Variants in SLC12A6 observed in about 807,000 individuals in gnomAD.
SLC12A6 encodes the protein K-Cl cotransporter 3.
A neutral mutation model predicts 135.3 loss-of-function variants in SLC12A6; 66 were observed. The ratio of observed to expected loss-of-function variants is 0.49; its 90% CI spans 0.40 to 0.60. The LOEUF is 0.60. Among genes scored for constraint, SLC12A6 ranks in the 20% least tolerant of loss-of-function variants. The pLI is 0.00. For missense variants in SLC12A6, 1,058 were observed against 1,452.3 expected (o/e 0.73, Z 4.41); for synonymous variants, 513 against 508.8 (o/e 1.01, Z -0.11).
intron 2 of SLC12A6, among the ~76,000 whole-genome samples, chr15:34,286,908 A>C (rs61659679): frequency 6.6e-6 from 1 of 152,150 alleles, no homozygotes; most frequent in Non-Finnish European, 1.5e-5. Flanking sequence ...ATATGATGAC[A>C]CCTAGTGCAG....
intron 3 of SLC12A6, among the ~76,000 whole-genome samples, chr15:34,270,156 A>G (rs755931101): frequency 4.6e-5 from 7 of 151,822 alleles, no homozygotes; most frequent in Non-Finnish European, 1.0e-4. Context: ...TTTTAGAGAC[A>G]GGGTATCACT....
chr15:34,292,011 C>G (rs779589667), intron 2 of SLC12A6, among the ~76,000 whole-genome samples: 38 of 152,244 alleles, frequency 2.5e-4, no homozygotes, highest in Non-Finnish European at 4.9e-4. Flanking sequence ...ATTCTCCATC[C>G]AGTTTTGTTC....
intron 16 of SLC12A6, among the ~76,000 whole-genome samples, chr15:34,242,747 T>G (rs1891727355): frequency 1.3e-5 from 2 of 152,126 alleles, no homozygotes; most frequent in Non-Finnish European, 1.5e-5. Context: ...AAATTATTTT[T>G]GGGCCGGATG....
At position 34,230,324 on chromosome 15, in the gene SLC12A6, T is replaced by C. The variant is rs1264147004; in HGVS notation, c.*3557A>G. On this transcript the variant is annotated 3_prime_UTR_variant, in exon 26 of 26. Coordinates refer to ENST00000354181, the MANE Select transcript of SLC12A6 (RefSeq NM_001365088.1). ...GACAAAAGGAGCACATAAATATGCA[T>C]ACAGTGTAACTGTTATTATTTTAAT... 6.4e-6 allele frequency: 1 copy of C among 156,566 alleles called. No homozygotes were observed. Among genetic ancestry groups the C allele is most frequent in the African/African-American group, 2.4e-5 (1 of 41,480 alleles). The allele number at this position is 156,566 out of a possible 1,614,324, so 9.7% of individuals were successfully genotyped here.
At chr15:34,295,149 T>C (rs964159015) in intron 2 of SLC12A6, among the ~76,000 whole-genome samples, 2 of 152,224 alleles carry the variant, frequency 1.3e-5, no homozygotes, top group East Asian at 3.8e-4. Context: ...CTGTAAGTAC[T>C]ATCATGATTG....
At chr15:34,315,071 G>A (rs1888542160) in intron 2 of SLC12A6, among the ~76,000 whole-genome samples, 1 of 152,176 alleles carries the variant, frequency 6.6e-6, no homozygotes, top group South Asian at 2.1e-4. Flanking sequence ...TTCTTGACAT[G>A]AAATCTGCTG....
chr15:34,318,650 T>C, intron 2 of SLC12A6: 1 of 1,613,126 alleles, frequency 6.2e-7, no homozygotes, highest in South Asian at 1.1e-5. Flanking sequence ...CTCTGGGTCC[T>C]CTACCTTAGT....
chr15:34,250,970 T>C lies in SLC12A6; in HGVS notation c.1421A>G (p.His474Arg), dbSNP rs1182705802. 1.2e-6 allele frequency: 2 copies of C among 1,611,282 alleles called. No individual in the cohort carries two copies. The highest frequency in any genetic ancestry group is 1.7e-6 in the Non-Finnish European group (2 of 1,177,432). The change falls in exon 11 of 26, where the codon CAT becomes CGT. Residue 474 changes from histidine to arginine, a missense_variant. By Grantham distance (29) the His-to-Arg change is conservative. This residue lies in a region of SLC12A6 where 297 missense variants were observed against 318.5 expected (regional missense o/e 0.93). Transcript: ENST00000354181. Reference sequence around the variant, plus strand: ...GGTGATGTCAACAAGAACATATTCATGGTTTAAGCTGCCTAAGACATCAGA... The same window carrying C: ...GGTGATGTCAACAAGAACATATTCACGGTTTAAGCTGCCTAAGACATCAGA... ...KSSDVLGSLNHEYVLVDITTS... is the reference protein window; with the variant it reads ...KSSDVLGSLNREYVLVDITTS...
intron 2 of SLC12A6, among the ~76,000 whole-genome samples, chr15:34,334,077 A>C (rs951021164): frequency 2.6e-5 from 4 of 151,896 alleles, no homozygotes; most frequent in Non-Finnish European, 4.4e-5. Context: ...TCTCAAAAAA[A>C]AAAAAAACAA....
Position 34,253,386 on chromosome 15 carries a change from A to G in SLC12A6, c.1118+962T>C, listed in dbSNP as rs181660768. On this transcript the variant is annotated intron_variant, in intron 9 of 25. Transcript: ENST00000354181. ...AATGGAATTTCCCAAATTGAGATAT[A>G]ACCAGAATGTCACCTTTAGAAATTT... is the stretch of plus-strand genomic sequence containing the variant. Among the ~76,000 whole-genome samples, 46 of 152,344 alleles carry G rather than the reference A, an allele frequency of 3.0e-4. 1 individual carries two copies. The highest frequency in any genetic ancestry group is 2.6e-3 in the Admixed American group (40 of 15,306).
chr15:34,305,572 C>CA (rs960891990), intron 2 of SLC12A6, among the ~76,000 whole-genome samples: 1 of 151,692 alleles, frequency 6.6e-6, no homozygotes, highest in Non-Finnish European at 1.5e-5. Context: ...GAATACAAGA[C>CA]AAAAAAGTTC....
intron 2 of SLC12A6, among the ~76,000 whole-genome samples, chr15:34,335,385 T>C (rs1020654484): frequency 6.6e-6 from 1 of 152,196 alleles, no homozygotes; most frequent in African/African-American, 2.4e-5. Flanking sequence ...GGAACAATAT[T>C]TCCTGACACC....
intron 24 of SLC12A6, 124 bp downstream of exon 24, chr15:34,235,891 A>G: frequency 1.2e-6 from 1 of 814,866 alleles, no homozygotes; most frequent in Non-Finnish European, 2.2e-6. Flanking sequence ...GAACAGGCAA[A>G]CAATAATGAG....
At chr15:34,262,813 C>T (rs527998497) in intron 3 of SLC12A6, among the ~76,000 whole-genome samples, 250 of 152,300 alleles carry the variant, frequency 1.6e-3, no homozygotes, top group African/African-American at 5.4e-3. Flanking sequence ...ACACTGCACT[C>T]GCTCACTCCC....
At chr15:34,331,320 T>G (rs1267087228) in intron 2 of SLC12A6, among the ~76,000 whole-genome samples, 1 of 152,174 alleles carries the variant, frequency 6.6e-6, no homozygotes, top group African/African-American at 2.4e-5. Flanking sequence ...TTCATATTTT[T>G]AGTAGAGACG....
At chr15:34,240,938 A>G in intron 18 of SLC12A6, 109 bp from the exon 19 acceptor site, 1 of 870,160 alleles carries the variant, frequency 1.1e-6, no homozygotes, top group Non-Finnish European at 1.9e-6. Flanking sequence ...GAAACAGGTA[A>G]TTTGACAGAA....
At chr15:34,297,740 A>G (rs1205980870) in intron 2 of SLC12A6, among the ~76,000 whole-genome samples, 1 of 152,248 alleles carries the variant, frequency 6.6e-6, no homozygotes, top group Non-Finnish European at 1.5e-5. Context: ...ACATGTCTGG[A>G]AAGATTTGCT....
intron 5 of SLC12A6, among the ~76,000 whole-genome samples, chr15:34,258,370 C>G (rs16958899): frequency 0.031 from 4,659 of 152,322 alleles, 138 homozygotes; most frequent in Admixed American, 0.11. Context: ...GGACACTCTT[C>G]TCTTGAAAAG....
At position 34,236,698 on chromosome 15, in the gene SLC12A6, A is replaced by G; in HGVS notation, c.3042+10T>C. 1.4e-6 allele frequency: 2 copies of G among 1,415,532 alleles called. No homozygotes were observed. The highest frequency in any genetic ancestry group is 2.0e-6 in the Non-Finnish European group (2 of 997,528). 87.7% of individuals were successfully genotyped at this position (1,415,532 alleles called of 1,614,324 possible). On this transcript the variant is annotated intron_variant, in intron 23 of 25. Transcript: ENST00000354181. The stretch of plus-strand genomic sequence containing the variant: ...AGAGCACGGATTGGATTGATGCAGT[A>G]ATGTCTCACCTCTCTGTCTCGCTCT...
Sources: gnomAD v4.1 joint callset for allele counts (sites outside exome capture counted in the v4.1 genomes callset) on GRCh38, gnomAD v4.1.1 for gene constraint, gnomAD v4.1.1 regional missense constraint, MANE v1.5 for transcripts, NCBI Gene and HGNC (gene_info 2026-07-23, HGNC 2026-07-21) for gene names.